The following GALNT7 variants were observed in gnomAD, a reference collection of about 807,000 sequenced individuals.
GALNT7 encodes polypeptide N-acetylgalactosaminyltransferase 7.
A neutral mutation model predicts 82.1 loss-of-function variants in GALNT7; 60 were observed. The ratio of observed to expected loss-of-function variants is 0.73; its 90% CI spans 0.59 to 0.91. GALNT7 has a LOEUF of 0.91. GALNT7 is among the 40% of genes least tolerant of loss of function. The pLI is 0.00. For synonymous variants in GALNT7, 243 were observed against 275.1 expected, an observed-to-expected ratio of 0.88 and a Z score of 1.15; for missense variants, 660 against 804.2, an observed-to-expected ratio of 0.82 and a Z score of 2.17.
Position 173,252,121 on chromosome 4 carries a change from C to T in GALNT7, c.587+3681C>T, listed in dbSNP as rs561710221. On this transcript the variant is annotated intron_variant, in intron 2 of 11. Coordinates refer to ENST00000265000, the MANE Select transcript of GALNT7 (RefSeq NM_017423.3). ...AATAACCAACCATGAATAAAAATCG[C>T]CTAAGTGTTGCATATTACCTAATAT... Among the ~76,000 whole-genome samples the T allele has an allele frequency of 1.7e-3, 252 of 152,282 alleles. 1 individual carries two copies. The highest frequency in any genetic ancestry group is 3.4e-3 in the Middle Eastern group (1 of 294).
intron 5 of GALNT7, chr4:173,297,856 C>CA (rs1736777431): frequency 6.7e-7 from 1 of 1,497,666 alleles, no homozygotes; most frequent in African/African-American, 1.4e-5. Flanking sequence ...CATTGAACCA[C>CA]AGCAAGGTGG....
At chr4:173,284,739 A>C (rs1409384770) in intron 2 of GALNT7, among the ~76,000 whole-genome samples, 5 of 151,758 alleles carry the variant, frequency 3.3e-5, no homozygotes, top group African/African-American at 1.2e-4. Context: ...AAACAACAAC[A>C]AAAAAAACCT....
At chr4:173,214,466 G>C (rs1259184958) in intron 1 of GALNT7, among the ~76,000 whole-genome samples, 1 of 152,190 alleles carries the variant, frequency 6.6e-6, no homozygotes, top group Non-Finnish European at 1.5e-5. Flanking sequence ...CGCTGGGACA[G>C]AAAGTGTGTT....
intron 9 of GALNT7, chr4:173,316,947 A>G (rs1414162430): frequency 1.3e-5 from 2 of 152,236 alleles, no homozygotes; most frequent in Admixed American, 1.3e-4. Context: ...GCACCTCTTC[A>G]TATCCTCAAA....
chr4:173,225,219 A>G (rs1273943786), intron 1 of GALNT7, among the ~76,000 whole-genome samples: 2 of 152,072 alleles, frequency 1.3e-5, no homozygotes, highest in Admixed American at 6.6e-5. Context: ...ACTTTGGGTC[A>G]TATCTCTCAA....
chr4:173,297,884 C>T (rs1427690891), intron 5 of GALNT7: 2 of 1,507,454 alleles, frequency 1.3e-6, no homozygotes, highest in African/African-American at 1.4e-5. Flanking sequence ...GATGGTTTTG[C>T]CAGAGGGGCC....
chr4:173,298,004 T>G, intron 5 of GALNT7, 111 bp from the exon 6 acceptor site: 1 of 1,524,750 alleles, frequency 6.6e-7, no homozygotes, highest in Non-Finnish European at 8.8e-7. Context: ...TATTTTCTTA[T>G]GTTGAATGTT....
intron 2 of GALNT7, among the ~76,000 whole-genome samples, chr4:173,266,871 GTGTGTGTGTGTGTGT>G (rs1735517061): frequency 5.9e-5 from 3 of 51,186 alleles, no homozygotes; most frequent in Non-Finnish European, 1.2e-4. Context: ...TGGGAAGGGT[GTGTGTGTGTGTGTGT>G]GTGTGTGTGT....
At chr4:173,282,729 A>G (rs936807104) in intron 2 of GALNT7, among the ~76,000 whole-genome samples, 1 of 152,188 alleles carries the variant, frequency 6.6e-6, no homozygotes, top group Non-Finnish European at 1.5e-5. Flanking sequence ...GAAAAAAACA[A>G]TTTGGGTTAT....
chr4:173,294,743 A>G (rs1736658931), intron 3 of GALNT7, among the ~76,000 whole-genome samples: 1 of 152,182 alleles, frequency 6.6e-6, no homozygotes, highest in Non-Finnish European at 1.5e-5. Context: ...TATAACACAA[A>G]ACTTCCTCTA....
chr4:173,315,426 A>G (rs1437782362), intron 9 of GALNT7, among the ~76,000 whole-genome samples: 1 of 152,152 alleles, frequency 6.6e-6, no homozygotes. Context: ...AGGTTGTATG[A>G]TGCCAAAGTC....
intron 2 of GALNT7, among the ~76,000 whole-genome samples, chr4:173,269,043 A>G (rs1415009351): frequency 1.3e-5 from 2 of 152,152 alleles, no homozygotes; most frequent in African/African-American, 2.4e-5. Context: ...CCAGTACCCC[A>G]TTATAATAAA....
At chr4:173,174,930 T>C (rs557721180) in intron 1 of GALNT7, among the ~76,000 whole-genome samples, 1 of 152,164 alleles carries the variant, frequency 6.6e-6, no homozygotes, top group Non-Finnish European at 1.5e-5. Flanking sequence ...GAGATACGAT[T>C]TGGGTTCCTG....
chr4:173,289,003 GATA>G (rs1309827090), intron 2 of GALNT7, among the ~76,000 whole-genome samples: 1 of 152,012 alleles, frequency 6.6e-6, no homozygotes, highest in Non-Finnish European at 1.5e-5. Context: ...TAAGAGGCAT[GATA>G]GCCCTGAAAA....
At chr4:173,224,357 C>A (rs1733733815) in intron 1 of GALNT7, among the ~76,000 whole-genome samples, 1 of 152,180 alleles carries the variant, frequency 6.6e-6, no homozygotes, top group Admixed American at 6.5e-5. Flanking sequence ...CTTCCAATTT[C>A]CTGCCTCAGA....
At chr4:173,191,822 T>G (rs1353407314) in intron 1 of GALNT7, among the ~76,000 whole-genome samples, 2 of 152,212 alleles carry the variant, frequency 1.3e-5, no homozygotes, top group Non-Finnish European at 2.9e-5. Flanking sequence ...AATTTGTTTG[T>G]TTTTAGTTTC....
Position 173,314,077 on chromosome 4 carries a change from A to C in GALNT7, c.1509A>C (p.Glu503Asp), listed in dbSNP as rs1210963717. The C allele has an allele frequency of 6.2e-7, 1 of 1,613,600 alleles. No individual in the cohort carries two copies. The highest frequency in any genetic ancestry group is 1.3e-5 in the African/African-American group (1 of 74,896). ...TATCGGAGCTGAAAAAATTTCGAGA[A>C]GATCACAACTGCAAAAGTTTTAAGT... Reference protein sequence around the residue: ...GDISELKKFREDHNCKSFKWF... With the variant: ...GDISELKKFRDDHNCKSFKWF... Residue 503 changes from glutamate to aspartate, a missense_variant, in exon 9 of 12, where the codon GAA becomes GAC. Glu to Asp is a conservative substitution (Grantham distance 45). Around this residue, in one of 2 missense-constraint regions of GALNT7, gnomAD observed 527 missense variants for 683.5 expected, o/e 0.77. Transcript: ENST00000265000.
chr4:173,239,433 A>G (rs1324993490), intron 1 of GALNT7, among the ~76,000 whole-genome samples: 1 of 152,236 alleles, frequency 6.6e-6, no homozygotes, highest in Non-Finnish European at 1.5e-5. Flanking sequence ...AATAATACAC[A>G]GTATCTGTCC....
chr4:173,245,473 ACAT>A (rs1290038857), intron 1 of GALNT7, among the ~76,000 whole-genome samples: 1 of 152,120 alleles, frequency 6.6e-6, no homozygotes, highest in African/African-American at 2.4e-5. Flanking sequence ...ATGGATGCTG[ACAT>A]CATATGAGCT....
Sources: allele counts gnomAD v4.1 joint callset (sites outside exome capture counted in the v4.1 genomes callset), GRCh38; gene constraint gnomAD v4.1.1; regional missense constraint gnomAD v4.1.1; transcripts MANE v1.5; gene names NCBI Gene and HGNC (gene_info 2026-07-23, HGNC 2026-07-21).